The following TECTB variants were observed in gnomAD, a reference collection of about 807,000 sequenced individuals.
TECTB encodes beta-tectorin.
Under a neutral mutation model 43.3 loss-of-function variants are expected in TECTB, and 45 were observed. The ratio of observed to expected loss-of-function variants is 1.04; its 90% CI spans 0.82 to 1.33. The LOEUF (loss-of-function observed/expected upper bound fraction) is 1.33, where lower values mean the gene tolerates loss of function less well. Among genes scored for constraint, TECTB ranks in the 40% most tolerant of loss-of-function variants. The pLI is 0.00. For missense variants in TECTB, 399 were observed against 404.7 expected, an observed-to-expected ratio of 0.99 and a Z score of 0.12; for synonymous variants, 169 against 156.7, an observed-to-expected ratio of 1.08 and a Z score of -0.59.
chr10:112,299,229 T>C (rs1848574935), intron 8 of TECTB, among the ~76,000 whole-genome samples: 1 of 152,204 alleles, frequency 6.6e-6, no homozygotes, highest in Admixed American at 6.5e-5. Flanking sequence ...CCACACTCAA[T>C]GACCTCTTCC....
intron 7 of TECTB, 65 bp from the exon 8 acceptor site, chr10:112,298,004 G>A (rs575625076): frequency 3.9e-5 from 62 of 1,607,180 alleles, no homozygotes; most frequent in African/African-American, 2.4e-4. Context: ...TGTGTAAATC[G>A]CTCAGCAGCT....
Position 112,303,333 on chromosome 10 carries a change from G to A in TECTB, c.*21G>A, listed in dbSNP as rs373188262. ...TATAGGAGTTAGCCAGGCAGCTGCCGCTCCTCCACCCACAATAGTCCTCAG... is the reference window on the plus strand; with the variant it reads ...TATAGGAGTTAGCCAGGCAGCTGCCACTCCTCCACCCACAATAGTCCTCAG... On this transcript the variant is annotated 3_prime_UTR_variant, in exon 11 of 11. Transcript: ENST00000646139. 49 of 1,613,814 alleles carry A rather than the reference G, an allele frequency of 3.0e-5. No individual in the cohort carries two copies. Among genetic ancestry groups the A allele is most frequent in the Non-Finnish European group, 3.6e-5 (42 of 1,179,860 alleles).
chr10:112,284,513 A>G, intron 2 of TECTB, 22 bp from the exon 3 acceptor site: 1 of 1,557,106 alleles, frequency 6.4e-7, no homozygotes, highest in African/African-American at 1.4e-5. Context: ...CTGATTTTAA[A>G]CTATATGTGT....
At chr10:112,301,160 T>C (rs1471814040) in intron 9 of TECTB, among the ~76,000 whole-genome samples, 3 of 152,232 alleles carry the variant, frequency 2.0e-5, no homozygotes, top group African/African-American at 4.8e-5. Context: ...TGGTGGCTCA[T>C]GCCTCTAATT....
chr10:112,295,739 G>A (rs1848540925), intron 7 of TECTB, among the ~76,000 whole-genome samples: 1 of 152,234 alleles, frequency 6.6e-6, no homozygotes, highest in East Asian at 1.9e-4. Flanking sequence ...ACCTCTCTCA[G>A]GCAATGGTCA....
chr10:112,287,319 T>C (rs1227734425), intron 5 of TECTB, among the ~76,000 whole-genome samples: 1 of 152,216 alleles, frequency 6.6e-6, no homozygotes, highest in African/African-American at 2.4e-5. Flanking sequence ...AGAAACTAAA[T>C]ATGCAATGGC....
chr10:112,299,581 T>C lies in TECTB; in HGVS notation c.907+17T>C, dbSNP rs1347939195. On this transcript the variant is annotated intron_variant, in intron 9 of 10. Transcript: ENST00000646139. ...CCCTGCGGAGTAAGCGTCTCTGTTT[T>C]CCTCTGTTTTCCAAACGGTTGAGTT... 3.7e-6 allele frequency: 1 copy of C among 269,342 alleles called. No individual in the cohort carries two copies. Among genetic ancestry groups the C allele is most frequent in the South Asian group, 8.7e-5 (1 of 11,456 alleles). 16.7% of individuals were successfully genotyped at this position (269,342 alleles called of 1,614,324 possible). A position where few individuals can be genotyped will look rare whatever the true frequency, so the allele number is the denominator to read the frequency against.
At chr10:112,289,013 G>A (rs568017204) in intron 5 of TECTB, among the ~76,000 whole-genome samples, 1 of 152,180 alleles carries the variant, frequency 6.6e-6, no homozygotes, top group African/African-American at 2.4e-5. Flanking sequence ...GTGACTTTGG[G>A]CAAGTTAGTT....
chr10:112,283,487 G>T lies in TECTB; in HGVS notation c.-97G>T. 2.0e-6 allele frequency: 1 copy of T among 500,114 alleles called. No homozygotes were observed. Among genetic ancestry groups the T allele is most frequent in the South Asian group, 3.0e-5 (1 of 33,808 alleles). 31.0% of individuals were successfully genotyped at this position (500,114 alleles called of 1,614,324 possible). A position where few individuals can be genotyped will look rare whatever the true frequency, so the allele number is the denominator to read the frequency against. ...ATGAACAACTCCATGTGTCATTGACGCTTCCAACGGTATGAGCCCCACTTT... is the reference window on the plus strand; with the variant it reads ...ATGAACAACTCCATGTGTCATTGACTCTTCCAACGGTATGAGCCCCACTTT... On this transcript the variant is annotated 5_prime_UTR_variant, in exon 1 of 11. Coordinates refer to ENST00000646139, the MANE Select transcript of TECTB (RefSeq NM_058222.3).
At chr10:112,298,706 G>A (rs1380070820) in intron 8 of TECTB, among the ~76,000 whole-genome samples, 1 of 152,230 alleles carries the variant, frequency 6.6e-6, no homozygotes, top group African/African-American at 2.4e-5. Flanking sequence ...GAGAGATGCT[G>A]CAGAAATTCC....
chr10:112,286,891 C>T (rs747593402), intron 5 of TECTB, among the ~76,000 whole-genome samples: 6 of 152,114 alleles, frequency 3.9e-5, no homozygotes, highest in Non-Finnish European at 7.4e-5. Flanking sequence ...CACTGCACTC[C>T]AGCCTGAGAA....
chr10:112,297,173 G>A, intron 7 of TECTB, among the ~76,000 whole-genome samples: 1 of 152,114 alleles, frequency 6.6e-6, no homozygotes, highest in East Asian at 1.9e-4. Flanking sequence ...TCTCCACTGT[G>A]GGGGCTGTGC....
Position 112,284,601 on chromosome 10 carries a change from G to GGGAA in TECTB, c.145_148dup (p.Val50GlyfsTer31). On this transcript the variant is annotated frameshift_variant, in exon 3 of 11. Coordinates refer to ENST00000646139, the MANE Select transcript of TECTB (RefSeq NM_058222.3). LOFTEE classifies it high-confidence loss of function. ...AAAATCCCCGAGTGTCCCTATGGAT[G>GGGAA]GGAAGTTCATCAGCTGGCCCTCGGA... The GGGAA allele has an allele frequency of 6.2e-7, 1 of 1,613,556 alleles. No individual in the cohort carries two copies.
At chr10:112,296,760 G>A (rs1352983773) in intron 7 of TECTB, among the ~76,000 whole-genome samples, 1 of 152,106 alleles carries the variant, frequency 6.6e-6, no homozygotes, top group Non-Finnish European at 1.5e-5. Flanking sequence ...CCCGTTGTCT[G>A]TTTCTGAGGG....
rs1723795068 is a variant in TECTB at position 112,303,340 on chromosome 10, C to T, written c.*28C>T. 1 of 1,613,620 alleles carries T rather than the reference C, an allele frequency of 6.2e-7. No individual in the cohort carries two copies. Among genetic ancestry groups the T allele is most frequent in the Non-Finnish European group, 8.5e-7 (1 of 1,179,498 alleles). On this transcript the variant is annotated 3_prime_UTR_variant, in exon 11 of 11. Coordinates refer to ENST00000646139, the MANE Select transcript of TECTB (RefSeq NM_058222.3). ...GTTAGCCAGGCAGCTGCCGCTCCTC[C>T]ACCCACAATAGTCCTCAGCGAATGA...
intron 9 of TECTB, among the ~76,000 whole-genome samples, chr10:112,301,402 T>C (rs1163629005): frequency 3.3e-5 from 4 of 122,088 alleles, no homozygotes; most frequent in Non-Finnish European, 7.5e-5. Flanking sequence ...AGTGAAACTC[T>C]GTCTCAAAAA....
At chr10:112,301,818 C>A (rs1351663907) in intron 9 of TECTB, among the ~76,000 whole-genome samples, 1 of 152,122 alleles carries the variant, frequency 6.6e-6, no homozygotes, top group Non-Finnish European at 1.5e-5. Flanking sequence ...TCAAGCAATT[C>A]TCCTGACTCA....
chr10:112,297,574 A>T (rs191211774), intron 7 of TECTB, among the ~76,000 whole-genome samples: 324 of 152,324 alleles, frequency 2.1e-3, no homozygotes, highest in Non-Finnish European at 3.4e-3. Context: ...GTAACTATGT[A>T]GATATATATA....
chr10:112,303,179 C>A, intron 10 of TECTB, 84 bp from the exon 11 acceptor site: 1 of 1,513,048 alleles, frequency 6.6e-7, no homozygotes, highest in African/African-American at 1.4e-5. Flanking sequence ...TTATGAAGAC[C>A]CCTGAGTTAA....
Sources: gnomAD v4.1 joint callset for allele counts (sites outside exome capture counted in the v4.1 genomes callset) on GRCh38, gnomAD v4.1.1 for gene constraint, MANE v1.5 for transcripts, NCBI Gene and HGNC (gene_info 2026-07-23, HGNC 2026-07-21) for gene names.